Variants in PDLIM5 observed in about 807,000 individuals in gnomAD.
The protein encoded by PDLIM5 is PDZ and LIM domain 5.
In PDLIM5, 34 loss-of-function variants were observed where a neutral mutation model predicts 64.2. That is an observed-to-expected ratio of 0.53 (90% CI 0.40 to 0.71). The LOEUF is 0.71. Among genes scored for constraint, PDLIM5 ranks in the 30% least tolerant of loss-of-function variants. The pLI, the probability that PDLIM5 is intolerant of heterozygous loss-of-function variation, is 0.00. For missense variants in PDLIM5, 683 were observed against 733.6 expected (o/e 0.93, Z 0.80); for synonymous variants, 253 against 269.1 (o/e 0.94, Z 0.59).
chr4:94,632,157 T>G (rs573984199), intron 8 of PDLIM5, among the ~76,000 whole-genome samples: 1 of 152,262 alleles, frequency 6.6e-6, no homozygotes, highest in Admixed American at 6.5e-5. Context: ...ATTGACTGTT[T>G]ACTGGCTTAT....
At chr4:94,564,655 T>C (rs1442682906) in intron 3 of PDLIM5, among the ~76,000 whole-genome samples, 2 of 119,842 alleles carry the variant, frequency 1.7e-5, no homozygotes, top group Non-Finnish European at 3.4e-5. Flanking sequence ...GAATTTTGTC[T>C]CTTTTTTTTT....
At chr4:94,470,023 G>A (rs889817955) in intron 2 of PDLIM5, among the ~76,000 whole-genome samples, 1 of 124,804 alleles carries the variant, frequency 8.0e-6, no homozygotes, top group Admixed American at 1.0e-4. Context: ...CTGGAGTGCA[G>A]TGGCGTGATC....
At chr4:94,472,626 C>T (rs1052858940) in intron 2 of PDLIM5, among the ~76,000 whole-genome samples, 1 of 152,160 alleles carries the variant, frequency 6.6e-6, no homozygotes, top group Admixed American at 6.6e-5. Context: ...GGTCACCATG[C>T]TCTTTATCTT....
chr4:94,599,542 GA>G (rs1233043066), intron 7 of PDLIM5, among the ~76,000 whole-genome samples: 1 of 152,182 alleles, frequency 6.6e-6, no homozygotes, highest in Non-Finnish European at 1.5e-5. Context: ...TAAAGGTTAT[GA>G]ATTTTGGAGT....
intron 5 of PDLIM5, among the ~76,000 whole-genome samples, chr4:94,578,165 A>C (rs1046965996): frequency 3.3e-5 from 5 of 152,192 alleles, no homozygotes; most frequent in African/African-American, 1.2e-4. Context: ...AGGTAAAAGC[A>C]AACAGGTTAT....
chr4:94,597,646 A>G (rs1192593564), intron 7 of PDLIM5, among the ~76,000 whole-genome samples: 3 of 152,112 alleles, frequency 2.0e-5, no homozygotes, highest in African/African-American at 7.2e-5. Context: ...CTTTTTCTTA[A>G]TGACTTACCG....
chr4:94,487,231 A>T (rs1232042527), intron 2 of PDLIM5, among the ~76,000 whole-genome samples: 1 of 152,166 alleles, frequency 6.6e-6, no homozygotes, highest in East Asian at 1.9e-4. Flanking sequence ...ATTTTGTTAC[A>T]TTATCTCATA....
At chr4:94,620,480 T>G (rs1233157250) in intron 8 of PDLIM5, among the ~76,000 whole-genome samples, 1 of 151,732 alleles carries the variant, frequency 6.6e-6, no homozygotes, top group Non-Finnish European at 1.5e-5. Context: ...GAGGCTACAG[T>G]GAGCTGTGAT....
At chr4:94,550,915 A>G (rs1052646092) in intron 3 of PDLIM5, among the ~76,000 whole-genome samples, 2 of 152,172 alleles carry the variant, frequency 1.3e-5, no homozygotes, top group Admixed American at 6.5e-5. Context: ...CTGTATGGCA[A>G]TAAAATTAAA....
chr4:94,510,782 C>T (rs559270277), intron 2 of PDLIM5, among the ~76,000 whole-genome samples: 248 of 151,958 alleles, frequency 1.6e-3, no homozygotes, highest in Middle Eastern at 3.4e-3. Flanking sequence ...CTGAGGCAGG[C>T]GGATCACTTG....
chr4:94,567,421 T>G (rs1734435922), intron 3 of PDLIM5, among the ~76,000 whole-genome samples: 1 of 152,140 alleles, frequency 6.6e-6, no homozygotes, highest in African/African-American at 2.4e-5. Context: ...CTGATTGAAG[T>G]TGGAAGAGAA....
At chr4:94,600,331 G>T (rs1475116101) in intron 7 of PDLIM5, among the ~76,000 whole-genome samples, 5 of 152,168 alleles carry the variant, frequency 3.3e-5, no homozygotes, top group East Asian at 1.9e-4. Context: ...GTAGCCACTT[G>T]GCTATTGTTC....
At chr4:94,564,738 C>T (rs1665756623) in intron 3 of PDLIM5, among the ~76,000 whole-genome samples, 1 of 148,592 alleles carries the variant, frequency 6.7e-6, no homozygotes, top group Admixed American at 6.8e-5. Flanking sequence ...TCACTGCAAC[C>T]TCCACCTCCT....
intron 7 of PDLIM5, among the ~76,000 whole-genome samples, chr4:94,597,652 T>TA (rs1250794339): frequency 6.6e-6 from 1 of 150,806 alleles, no homozygotes; most frequent in Non-Finnish European, 1.5e-5. Context: ...CTTAATGACT[T>TA]ACCGCTCAGG....
At chr4:94,574,789 C>A (rs1735110304) in intron 4 of PDLIM5, among the ~76,000 whole-genome samples, 2 of 151,836 alleles carry the variant, frequency 1.3e-5, no homozygotes, top group Admixed American at 1.3e-4. Context: ...GAGGAATTGA[C>A]CTTTCTTACT....
chr4:94,608,648 C>T (rs955049533), intron 7 of PDLIM5, among the ~76,000 whole-genome samples: 4 of 152,082 alleles, frequency 2.6e-5, no homozygotes, highest in Non-Finnish European at 4.4e-5. Context: ...ATTACCGTTT[C>T]CTTTTCTTCC....
intron 3 of PDLIM5, among the ~76,000 whole-genome samples, chr4:94,543,876 T>A (rs897883016): frequency 1.3e-5 from 2 of 151,296 alleles, no homozygotes; most frequent in Non-Finnish European, 2.9e-5. Flanking sequence ...CTTAGGTTGA[T>A]TCCATATTAT....
intron 3 of PDLIM5, among the ~76,000 whole-genome samples, chr4:94,567,969 A>C (rs909010242): frequency 7.2e-5 from 11 of 152,354 alleles, no homozygotes; most frequent in Admixed American, 7.2e-4. Flanking sequence ...AGAAGAATTT[A>C]AAGGTAGTGT....
intron 8 of PDLIM5, among the ~76,000 whole-genome samples, chr4:94,620,794 A>G (rs1578484973): frequency 6.6e-6 from 1 of 152,016 alleles, no homozygotes; most frequent in South Asian, 2.1e-4. Flanking sequence ...ACAGTGACTC[A>G]CGCCTATAAT....
Sources: gnomAD v4.1 joint callset for allele counts (sites outside exome capture counted in the v4.1 genomes callset) on GRCh38, gnomAD v4.1.1 for gene constraint, MANE v1.5 for transcripts, NCBI Gene and HGNC (gene_info 2026-07-23, HGNC 2026-07-21) for gene names.